KAZN: variants seen among roughly 807,000 people sequenced by gnomAD.
The protein encoded by KAZN is kazrin, periplakin interacting protein.
In KAZN, 40 loss-of-function variants were observed where a neutral mutation model predicts 87.4. The ratio of observed to expected loss-of-function variants is 0.46; its 90% CI spans 0.36 to 0.60. KAZN has a LOEUF of 0.60. Ranked by LOEUF, KAZN falls within the 20% of genes least tolerant of loss-of-function variation. The pLI, the probability that KAZN is intolerant of heterozygous loss-of-function variation, is 0.00. For missense variants in KAZN, 898 were observed against 1,073.9 expected, an observed-to-expected ratio of 0.84 and a Z score of 2.29; for synonymous variants, 466 against 458.3, an observed-to-expected ratio of 1.02 and a Z score of -0.22.
chr1:14,796,962 AG>A (rs1289214818), intron 1 of KAZN, among the ~76,000 whole-genome samples: 1 of 152,224 alleles, frequency 6.6e-6, no homozygotes, highest in African/African-American at 2.4e-5. Flanking sequence ...TGGACTTGGA[AG>A]CAGTGGGTTA....
At chr1:14,200,900 G>T (rs571731659) in intron 2 of KAZN, among the ~76,000 whole-genome samples, 9 of 151,644 alleles carry the variant, frequency 5.9e-5, no homozygotes, top group Admixed American at 5.9e-4. Flanking sequence ...CACCCAGCTG[G>T]CTGGCTCCAT....
In KAZN at chr1:14,075,075, G is replaced by A. The variant is rs892397469; in HGVS notation, c.92-105360G>A. On this transcript the variant is annotated intron_variant, in intron 1 of 16. Transcript: ENST00000636203. ...GTCACTGAAGGAAAAAAAAGATGGG[G>A]TGAGGGGGCTGCCAGGAATGAAATA... Among the ~76,000 whole-genome samples, 5 of 152,150 alleles carry A rather than the reference G, an allele frequency of 3.3e-5. No homozygotes were observed. In the East Asian group the frequency reaches 7.7e-4, roughly 23 times the overall value.
At position 14,356,632 on chromosome 1, in the gene KAZN, T is replaced by C. The variant is rs552535849; in HGVS notation, c.249+176040T>C. Reference sequence around the variant, plus strand: ...GTGTAAGGAAGGGGTCCAGTTTCAGTTTTCTGCATATGGCTAGCCAGTTTT... The same window carrying C: ...GTGTAAGGAAGGGGTCCAGTTTCAGCTTTCTGCATATGGCTAGCCAGTTTT... On this transcript the variant is annotated intron_variant, in intron 2 of 16. Coordinates refer to the KAZN transcript ENST00000636203. 2.5e-3 allele frequency among the ~76,000 whole-genome samples: 384 copies of C among 152,258 alleles called. 2 individuals carry two copies. Among genetic ancestry groups the C allele is most frequent in the Non-Finnish European group, 4.4e-3 (300 of 68,014 alleles).
intron 1 of KAZN, among the ~76,000 whole-genome samples, chr1:14,803,112 G>A (rs1646092704): frequency 6.6e-6 from 1 of 152,194 alleles, no homozygotes; most frequent in Admixed American, 6.5e-5. Flanking sequence ...ACTACATCAT[G>A]GCTACCGTTT....
At chr1:14,180,437 G>C (rs759051486) in exon 2 of KAZN, 3 of 1,549,556 alleles carry the variant, frequency 1.9e-6, no homozygotes, top group Non-Finnish European at 2.6e-6. Context: ...TTCCACAGCT[G>C]TGCAATCATT....
At chr1:14,810,569 A>T (rs1047761472) in intron 1 of KAZN, among the ~76,000 whole-genome samples, 5 of 152,194 alleles carry the variant, frequency 3.3e-5, no homozygotes, top group Admixed American at 2.0e-4. Context: ...TCTGATGGAC[A>T]TGACCCCCTC....
At chr1:14,943,716 A>G (rs955899072) in intron 1 of KAZN, among the ~76,000 whole-genome samples, 1 of 152,230 alleles carries the variant, frequency 6.6e-6, no homozygotes, top group Non-Finnish European at 1.5e-5. Context: ...CCTTGCTTGG[A>G]GATGTGTTTC....
chr1:15,008,136 C>T (rs1343686185), intron 2 of KAZN, among the ~76,000 whole-genome samples: 1 of 152,226 alleles, frequency 6.6e-6, no homozygotes, highest in African/African-American at 2.4e-5. Flanking sequence ...TAGCTGCTCC[C>T]CCTGGAAGCT....
At chr1:14,522,411 GTGCAGC>G (rs1385928957) in intron 2 of KAZN, among the ~76,000 whole-genome samples, 1 of 152,154 alleles carries the variant, frequency 6.6e-6, no homozygotes, top group African/African-American at 2.4e-5. Context: ...CAGCTTCTTG[GTGCAGC>G]TGCCTCTGCT....
intron 1 of KAZN, among the ~76,000 whole-genome samples, chr1:14,140,702 C>A (rs147801886): frequency 6.6e-6 from 1 of 152,060 alleles, no homozygotes; most frequent in Admixed American, 6.6e-5. Flanking sequence ...CCACCACCCC[C>A]GCACCCCTGC....
chr1:14,080,847 C>A (rs1323663670), intron 1 of KAZN, among the ~76,000 whole-genome samples: 1 of 152,154 alleles, frequency 6.6e-6, no homozygotes, highest in Admixed American at 6.5e-5. Context: ...TTTGACCCCC[C>A]CAGGGAAGTT....
In KAZN at chr1:14,615,696, T is replaced by A. The variant is rs560084617; in HGVS notation, c.226+16473T>A. 1.5e-4 allele frequency among the ~76,000 whole-genome samples: 23 copies of A among 151,158 alleles called. 1 individual carries two copies. Among genetic ancestry groups the A allele is most frequent in the Admixed American group, 1.2e-3 (19 of 15,232 alleles). ...AGGGAAGTGAGGCTTGTGGTTCCAA[T>A]CGTATGGCCAACGTGTAGGCTGTGG... On this transcript the variant is annotated intron_variant, in intron 1 of 14. Transcript: ENST00000376030.
At chr1:14,527,679 G>A (rs1316863395) in intron 2 of KAZN, among the ~76,000 whole-genome samples, 3 of 152,176 alleles carry the variant, frequency 2.0e-5, no homozygotes, top group African/African-American at 4.8e-5. Context: ...TGGTAGAGGG[G>A]AAGAGAAGCC....
rs1222495739 is a variant in KAZN, at chr1:14,469,804, T to C, written c.250-129179T>C. ...TCAACAAAATCTCTGCACCTTGCAC[T>C]ACGAATATCCCTGGAAGATTTGGGA... On this transcript the variant is annotated intron_variant, in intron 2 of 16. Coordinates refer to the KAZN transcript ENST00000636203. Among the ~76,000 whole-genome samples the C allele has an allele frequency of 2.0e-5, 3 of 152,228 alleles. No individual in the cohort carries two copies. In the East Asian group the frequency reaches 5.8e-4, roughly 29 times the overall value.
intron 1 of KAZN, among the ~76,000 whole-genome samples, chr1:14,044,046 A>G (rs544342487): frequency 2.0e-5 from 3 of 152,300 alleles, no homozygotes; most frequent in African/African-American, 4.8e-5. Flanking sequence ...TGAAGACTTT[A>G]CTGGGATAAA....
At chr1:14,538,586 G>A (rs996754247) in intron 2 of KAZN, among the ~76,000 whole-genome samples, 2 of 152,084 alleles carry the variant, frequency 1.3e-5, no homozygotes, top group Non-Finnish European at 2.9e-5. Flanking sequence ...CAACCATAAG[G>A]GAGGAGCCCT....
At chr1:14,790,788 G>A (rs1224310461) in intron 1 of KAZN, among the ~76,000 whole-genome samples, 1 of 152,050 alleles carries the variant, frequency 6.6e-6, no homozygotes, top group African/African-American at 2.4e-5. Context: ...TTCCTCCCAG[G>A]CTCAAGCGAT....
At chr1:14,342,534 G>A (rs1482291532) in intron 2 of KAZN, among the ~76,000 whole-genome samples, 2 of 152,152 alleles carry the variant, frequency 1.3e-5, no homozygotes, top group African/African-American at 2.4e-5. Flanking sequence ...TCAGTGCCTA[G>A]AACAATATCT....
intron 2 of KAZN, among the ~76,000 whole-genome samples, chr1:14,300,782 G>C (rs1017027270): frequency 6.6e-6 from 1 of 152,180 alleles, no homozygotes; most frequent in Non-Finnish European, 1.5e-5. Flanking sequence ...GGAACCAAAA[G>C]GGATTTCTCC....
Sources: allele counts gnomAD v4.1 joint callset (sites outside exome capture counted in the v4.1 genomes callset), GRCh38; gene constraint gnomAD v4.1.1; transcripts MANE v1.5; gene names NCBI Gene and HGNC (gene_info 2026-07-23, HGNC 2026-07-21).